Variants in HIBADH observed in about 807,000 individuals in gnomAD.
The protein encoded by HIBADH is 3-hydroxyisobutyrate dehydrogenase, mitochondrial.
A neutral mutation model predicts 36.1 loss-of-function variants in HIBADH; 25 were observed. That is an observed-to-expected ratio of 0.69 (90% CI 0.50 to 0.97). The LOEUF (loss-of-function observed/expected upper bound fraction) is 0.97, where lower values mean the gene tolerates loss of function less well. HIBADH is among the 50% of genes least tolerant of loss of function. The pLI is 0.00. For synonymous variants in HIBADH, 160 were observed against 149.5 expected, an observed-to-expected ratio of 1.07 and a Z score of -0.51; for missense variants, 421 against 418.0, an observed-to-expected ratio of 1.01 and a Z score of -0.06.
chr7:27,555,873 A>G (rs1784382108), intron 4 of HIBADH, among the ~76,000 whole-genome samples: 2 of 152,182 alleles, frequency 1.3e-5, no homozygotes, highest in South Asian at 4.1e-4. Flanking sequence ...TATGCATGCA[A>G]GTGTGTGTCC....
intron 4 of HIBADH, among the ~76,000 whole-genome samples, chr7:27,600,947 A>C (rs532929871): frequency 1.3e-5 from 2 of 152,246 alleles, no homozygotes; most frequent in African/African-American, 4.8e-5. Flanking sequence ...GAATATGTAA[A>C]ATCTATTGGG....
intron 7 of HIBADH, among the ~76,000 whole-genome samples, chr7:27,528,590 A>G (rs1783947613): frequency 6.6e-6 from 1 of 152,218 alleles, no homozygotes; most frequent in African/African-American, 2.4e-5. Context: ...ACTTTCTTCA[A>G]TTCTGTGAAG....
At chr7:27,662,677 G>A in intron 1 of HIBADH, 21 bp downstream of exon 1, 1 of 1,281,550 alleles carries the variant, frequency 7.8e-7, no homozygotes, top group Non-Finnish European at 1.0e-6. Context: ...GGACAAGGGG[G>A]AGGAGGCGTG....
chr7:27,632,470 A>G, intron 2 of HIBADH, 25 bp from the exon 3 acceptor site: 2 of 1,476,060 alleles, frequency 1.4e-6, no homozygotes, highest in African/African-American at 1.4e-5. Context: ...GCAAAGGCAC[A>G]TTATTTAAAT....
chr7:27,643,334 G>T (rs1583616233), intron 2 of HIBADH, among the ~76,000 whole-genome samples: 1 of 152,326 alleles, frequency 6.6e-6, no homozygotes, highest in South Asian at 2.1e-4. Context: ...CTGTTGAATG[G>T]ACAGCATGAG....
intron 7 of HIBADH, among the ~76,000 whole-genome samples, chr7:27,528,556 A>T (rs1783946994): frequency 6.6e-6 from 1 of 152,240 alleles, no homozygotes; most frequent in African/African-American, 2.4e-5. Flanking sequence ...CTTAAACCAA[A>T]GCTTAACCCA....
intron 4 of HIBADH, among the ~76,000 whole-genome samples, chr7:27,611,000 T>C (rs901675507): frequency 4.6e-5 from 7 of 152,180 alleles, no homozygotes; most frequent in Admixed American, 2.6e-4. Context: ...CAAGCCTACC[T>C]CTCTAAGAGA....
intron 5 of HIBADH, among the ~76,000 whole-genome samples, chr7:27,542,437 C>T (rs1784165359): frequency 8.2e-6 from 1 of 122,638 alleles, no homozygotes; most frequent in South Asian, 2.6e-4. Context: ...TTTTTTTTCC[C>T]GTTTTTTTTT....
chr7:27,585,098 G>A (rs1325186929), intron 4 of HIBADH, among the ~76,000 whole-genome samples: 1 of 151,686 alleles, frequency 6.6e-6, no homozygotes, highest in Non-Finnish European at 1.5e-5. Context: ...TAAATTACTA[G>A]GTAAATTTAT....
chr7:27,540,187 G>T (rs762725789), intron 5 of HIBADH, among the ~76,000 whole-genome samples: 1 of 152,166 alleles, frequency 6.6e-6, no homozygotes, highest in Non-Finnish European at 1.5e-5. Flanking sequence ...TTCAGTGTCT[G>T]TATCAGAGAA....
At chr7:27,632,161 C>T (rs1359764964) in intron 3 of HIBADH, among the ~76,000 whole-genome samples, 175 bp downstream of exon 3, 1 of 152,158 alleles carries the variant, frequency 6.6e-6, no homozygotes, top group African/African-American at 2.4e-5. Context: ...ACATACTTGA[C>T]TTCAGTGAAA....
At chr7:27,628,171 A>G (rs1785682482) in intron 4 of HIBADH, among the ~76,000 whole-genome samples, 1 of 152,084 alleles carries the variant, frequency 6.6e-6, no homozygotes, top group Non-Finnish European at 1.5e-5. Flanking sequence ...AAGTACCTAT[A>G]CCACATCATA....
At chr7:27,569,022 T>C (rs1332226057) in intron 4 of HIBADH, among the ~76,000 whole-genome samples, 1 of 151,940 alleles carries the variant, frequency 6.6e-6, no homozygotes, top group Non-Finnish European at 1.5e-5. Context: ...GCTCTGTCCA[T>C]TTTCTTACAG....
intron 1 of HIBADH, among the ~76,000 whole-genome samples, chr7:27,659,024 T>C (rs942821255): frequency 6.6e-6 from 1 of 152,214 alleles, no homozygotes; most frequent in Non-Finnish European, 1.5e-5. Flanking sequence ...GAAGCTAATG[T>C]AAAGGGAAAA....
intron 7 of HIBADH, among the ~76,000 whole-genome samples, chr7:27,530,682 G>A (rs985193514): frequency 1.3e-5 from 2 of 152,154 alleles, no homozygotes; most frequent in African/African-American, 4.8e-5. Flanking sequence ...AGAGAAGGAT[G>A]ACAGTTTGCT....
chr7:27,570,458 A>C (rs1784612297), intron 4 of HIBADH, among the ~76,000 whole-genome samples: 1 of 152,190 alleles, frequency 6.6e-6, no homozygotes, highest in Admixed American at 6.5e-5. Flanking sequence ...TATTTACATG[A>C]TATTTTTACA....
chr7:27,584,997 A>G (rs1283509121), intron 4 of HIBADH, among the ~76,000 whole-genome samples: 1 of 152,054 alleles, frequency 6.6e-6, no homozygotes, highest in Non-Finnish European at 1.5e-5. Context: ...TCTTATAGTT[A>G]AATCTTTACA....
chr7:27,553,844 T>G (rs527558823), intron 4 of HIBADH, among the ~76,000 whole-genome samples: 4 of 152,312 alleles, frequency 2.6e-5, no homozygotes, highest in African/African-American at 9.6e-5. Flanking sequence ...TTAAAAGTCA[T>G]TTTTATTTTT....
intron 4 of HIBADH, among the ~76,000 whole-genome samples, chr7:27,563,509 T>C (rs1202122030): frequency 2.0e-5 from 3 of 152,240 alleles, no homozygotes; most frequent in African/African-American, 7.2e-5. Flanking sequence ...ATTTTGCATC[T>C]CCACTAGGAA....
Sources: gnomAD v4.1 joint callset for allele counts (sites outside exome capture counted in the v4.1 genomes callset) on GRCh38, gnomAD v4.1.1 for gene constraint, MANE v1.5 for transcripts, NCBI Gene and HGNC (gene_info 2026-07-23, HGNC 2026-07-21) for gene names.